TMEM14B: variants seen among roughly 807,000 people sequenced by gnomAD.
TMEM14B encodes the protein transmembrane protein 14B.
In TMEM14B, 9 loss-of-function variants were observed where a neutral mutation model predicts 14.8. That is an observed-to-expected ratio of 0.61 (90% CI 0.37 to 1.06). TMEM14B has a LOEUF of 1.06. Ranked by LOEUF, TMEM14B falls within the 50% of genes least tolerant of loss-of-function variation. The pLI, the probability that TMEM14B is intolerant of heterozygous loss-of-function variation, is 0.01. For synonymous variants in TMEM14B, 40 were observed against 51.3 expected, an observed-to-expected ratio of 0.78 and a Z score of 0.94; for missense variants, 128 against 143.6, an observed-to-expected ratio of 0.89 and a Z score of 0.56.
chr6:10,759,321 C>T (rs923538568), downstream of TMEM14B: 2 of 152,076 alleles, frequency 1.3e-5, no homozygotes, highest in African/African-American at 4.8e-5. Context: ...CTTTGATAGC[C>T]GGGAGCAGTG....
At chr6:10,749,510 C>T (rs1771465750) in intron 2 of TMEM14B, 112 bp from the exon 3 acceptor site, 38 of 1,278,664 alleles carry the variant, frequency 3.0e-5, no homozygotes, top group Non-Finnish European at 4.3e-5. Context: ...TACCTGTGGG[C>T]ACATAGGACC....
At position 10,749,222 on chromosome 6, in the gene TMEM14B, C is replaced by G. The variant is rs1416137505; in HGVS notation, c.-24C>G. 2 of 1,613,920 alleles carry G rather than the reference C, an allele frequency of 1.2e-6. No homozygotes were observed. The highest frequency in any genetic ancestry group is 4.5e-5 in the East Asian group (2 of 44,850). On this transcript the variant is annotated 5_prime_UTR_variant, in exon 2 of 6. Coordinates refer to ENST00000379542, the MANE Select transcript of TMEM14B (RefSeq NM_030969.5). ...CCCAGATGCAGGCCTGGGGTAGTCT[C>G]CTTTCTGGACTGAGAAGAGAAGAAT...
chr6:10,755,669 T>G, intron 5 of TMEM14B: 1 of 1,084,742 alleles, frequency 9.2e-7, no homozygotes, highest in South Asian at 3.3e-5. Context: ...AAAATGTAGT[T>G]GTAGGCCAGG....
chr6:10,758,830 C>T (rs749255317), downstream of TMEM14B: 2 of 151,710 alleles, frequency 1.3e-5, no homozygotes, highest in African/African-American at 2.5e-5. Flanking sequence ...TGTCTCAGAG[C>T]GAGCAATATA....
At chr6:10,748,669 A>C (rs947403735) in intron 1 of TMEM14B, among the ~76,000 whole-genome samples, 1 of 152,182 alleles carries the variant, frequency 6.6e-6, no homozygotes, top group African/African-American at 2.4e-5. Flanking sequence ...GTGCAATGTC[A>C]CATGTGATTC....
chr6:10,750,865 C>G (rs960818824), intron 3 of TMEM14B, among the ~76,000 whole-genome samples: 1 of 151,970 alleles, frequency 6.6e-6, no homozygotes, highest in Non-Finnish European at 1.5e-5. Context: ...AGTCATAGTT[C>G]TGTCTAAGGA....
chr6:10,759,368 G>C (rs1042779945), downstream of TMEM14B: 3 of 152,138 alleles, frequency 2.0e-5, no homozygotes, highest in African/African-American at 7.2e-5. Context: ...GGGAGGCTGA[G>C]GTGGGCAGAT....
intron 4 of TMEM14B, among the ~76,000 whole-genome samples, chr6:10,752,520 G>A (rs929788714): frequency 1.7e-4 from 25 of 148,482 alleles, no homozygotes; most frequent in African/African-American, 3.7e-4. Context: ...GCAGTGGCGC[G>A]GTCTTGGCTC....
chr6:10,757,959 C>T (rs1275533221), downstream of TMEM14B, among the ~76,000 whole-genome samples: 1 of 151,628 alleles, frequency 6.6e-6, no homozygotes, highest in African/African-American at 2.4e-5. Context: ...CCACTGCACT[C>T]CAACCTGGGC....
At chr6:10,753,522 C>T (rs1021744798) in intron 4 of TMEM14B, among the ~76,000 whole-genome samples, 3 of 151,928 alleles carry the variant, frequency 2.0e-5, no homozygotes, top group Admixed American at 1.3e-4. Context: ...TGAAGTTCTT[C>T]AGGCTCTTCT....
chr6:10,750,991 C>G, intron 3 of TMEM14B, 142 bp from the exon 4 acceptor site: 1 of 921,318 alleles, frequency 1.1e-6, no homozygotes, highest in East Asian at 2.7e-5. Flanking sequence ...CTCCTTAACG[C>G]CTTCCTGCTT....
Position 10,749,509 on chromosome 6 carries a change from G to A in TMEM14B, c.24-113G>A, listed in dbSNP as rs146118545. On this transcript the variant is annotated intron_variant, in intron 2 of 5. Coordinates refer to ENST00000379542, the MANE Select transcript of TMEM14B (RefSeq NM_030969.5). ...TTATTTTCAGTGATAGTACCTGTGGGCACATAGGACCTGTGGGGAATGATT... is the reference window on the plus strand; with the variant it reads ...TTATTTTCAGTGATAGTACCTGTGGACACATAGGACCTGTGGGGAATGATT... The A allele has an allele frequency of 2.5e-4, 313 of 1,276,438 alleles. 4 individuals are homozygous for A. The East Asian group carries it at 6.7e-3, about 28-fold the overall frequency. The allele number at this position is 1,276,438 out of a possible 1,614,324, so 79.1% of individuals were successfully genotyped here. A position where few individuals can be genotyped will look rare whatever the true frequency, so the allele number is the denominator to read the frequency against.
chr6:10,748,654 C>G (rs1347141038), intron 1 of TMEM14B, among the ~76,000 whole-genome samples: 1 of 152,044 alleles, frequency 6.6e-6, no homozygotes, highest in African/African-American at 2.4e-5. Flanking sequence ...GCTGTTTTTC[C>G]AAGGGTGCAA....
At position 10,749,108 on chromosome 6, in the gene TMEM14B, C is replaced by T; in HGVS notation, c.-44-94C>T. On this transcript the variant is annotated intron_variant, in intron 1 of 5. Transcript: ENST00000379542. ...CATGGTACAGTGAAGGATACTGAGA[C>T]TTAGGTTGCATAGCCTGCAGGTTGG... The T allele has an allele frequency of 3.9e-6, 3 of 778,926 alleles. No homozygotes were observed. The South Asian group carries it at 4.6e-5, about 12-fold the overall frequency. The allele number at this position is 778,926 out of a possible 1,614,324, so 48.3% of individuals were successfully genotyped here.
At chr6:10,750,124 C>CA in intron 3 of TMEM14B, 1 of 185,510 alleles carries the variant, frequency 5.4e-6, no homozygotes, top group Non-Finnish European at 1.1e-5. Flanking sequence ...TCCTTGCCTG[C>CA]ATTCCCACCC....
chr6:10,755,422 C>T, intron 5 of TMEM14B, 190 bp downstream of exon 5: 2 of 1,479,978 alleles, frequency 1.4e-6, no homozygotes, highest in African/African-American at 1.4e-5. Flanking sequence ...TGAGTATATC[C>T]ATTCACTGTG....
chr6:10,751,457 A>G (rs1057434600), intron 4 of TMEM14B, among the ~76,000 whole-genome samples: 3 of 152,052 alleles, frequency 2.0e-5, no homozygotes, highest in Non-Finnish European at 2.9e-5. Context: ...AAAGATTTCC[A>G]TACCTTGTGA....
In TMEM14B at chr6:10,753,883, C is replaced by CA. The variant is rs1182511900; in HGVS notation, c.203-1259_203-1258insA. Among the ~76,000 whole-genome samples the CA allele has an allele frequency of 2.9e-3, 443 of 152,038 alleles. 3 individuals are homozygous for CA. The highest frequency in any genetic ancestry group is 9.8e-3 in the African/African-American group (404 of 41,322). On this transcript the variant is annotated intron_variant, in intron 4 of 5. Transcript: ENST00000379542. ...GTCCCAGTTATCCCCTCTTTCTTAC[C>CA]TGCATTCCCAAGGACGTTCCTTAGC...
At chr6:10,751,329 C>T in intron 4 of TMEM14B, 95 bp downstream of exon 4, 2 of 1,403,742 alleles carry the variant, frequency 1.4e-6, no homozygotes, top group South Asian at 2.6e-5. Flanking sequence ...GAGTTCTTCC[C>T]ACTTAATTTA....
Sources: allele counts gnomAD v4.1 joint callset (sites outside exome capture counted in the v4.1 genomes callset), GRCh38; gene constraint gnomAD v4.1.1; transcripts MANE v1.5; gene names NCBI Gene and HGNC (gene_info 2026-07-23, HGNC 2026-07-21).